Variants in ZPLD1 observed in about 807,000 individuals in gnomAD.
The protein encoded by ZPLD1 is zona pellucida like domain containing 1.
ZPLD1 carries 34 observed loss-of-function variants against 47.2 expected under a neutral mutation model. The observed-to-expected ratio is 0.72, with a 90% CI of 0.55 to 0.96. ZPLD1 has a LOEUF of 0.96. ZPLD1 is among the 40% of genes least tolerant of loss of function. The probability of loss-of-function intolerance (pLI) is 0.00; values close to 1 mark genes in which losing one functional copy is unlikely to be tolerated. For missense variants in ZPLD1, 512 were observed against 505.8 expected (o/e 1.01, Z -0.12); for synonymous variants, 176 against 186.2 (o/e 0.95, Z 0.45).
At chr3:102,474,881 A>C (rs1707735448) in intron 10 of ZPLD1, among the ~76,000 whole-genome samples, 1 of 152,160 alleles carries the variant, frequency 6.6e-6, no homozygotes, top group Admixed American at 6.5e-5. Flanking sequence ...ATATATGTAC[A>C]TGTCAAGACC....
chr3:102,431,905 G>A (rs895516769), upstream of ZPLD1, among the ~76,000 whole-genome samples: 1 of 152,152 alleles, frequency 6.6e-6, no homozygotes, highest in African/African-American at 2.4e-5. Context: ...ATGAAACTCT[G>A]TCTCACAAAC....
At chr3:102,476,660 A>G (rs1413179751) in intron 10 of ZPLD1, among the ~76,000 whole-genome samples, 1 of 152,148 alleles carries the variant, frequency 6.6e-6, no homozygotes, top group African/African-American at 2.4e-5. Flanking sequence ...GCTGTTAACG[A>G]TTACTGCCCC....
chr3:102,477,333 C>A, intron 11 of ZPLD1, 110 bp from the exon 12 acceptor site: 1 of 1,127,408 alleles, frequency 8.9e-7, no homozygotes, highest in South Asian at 1.5e-5. Flanking sequence ...CAGTGCCATG[C>A]TGCTATTCTA....
chr3:102,468,490 AG>A (rs1707631774), intron 8 of ZPLD1, among the ~76,000 whole-genome samples: 1 of 152,208 alleles, frequency 6.6e-6, no homozygotes, highest in South Asian at 2.1e-4. Flanking sequence ...TGATACGGAA[AG>A]ATCTCTAACA....
intron 3 of ZPLD1, among the ~76,000 whole-genome samples, chr3:102,447,900 A>G (rs949312648): frequency 1.3e-5 from 2 of 152,206 alleles, no homozygotes; most frequent in Non-Finnish European, 2.9e-5. Flanking sequence ...TTATTTATAT[A>G]TATAGAACTG....
intron 6 of ZPLD1, among the ~76,000 whole-genome samples, chr3:102,390,622 C>T (rs1032017215): frequency 3.9e-5 from 6 of 152,116 alleles, no homozygotes; most frequent in Non-Finnish European, 7.4e-5. Flanking sequence ...AATCAAAGCT[C>T]GACAAACATG....
chr3:102,454,593 C>T (rs1018319819), intron 4 of ZPLD1, among the ~76,000 whole-genome samples: 3 of 152,226 alleles, frequency 2.0e-5, no homozygotes, highest in Non-Finnish European at 2.9e-5. Flanking sequence ...CAGTGGCTAA[C>T]TCCTGTAATC....
intron 3 of ZPLD1, among the ~76,000 whole-genome samples, chr3:102,440,849 A>G (rs1484139708): frequency 1.3e-5 from 2 of 152,088 alleles, no homozygotes; most frequent in African/African-American, 4.8e-5. Context: ...CTGAGCATAC[A>G]TGAGTAAAGG....
chr3:102,476,350 G>A (rs1184965583), intron 10 of ZPLD1, among the ~76,000 whole-genome samples: 1 of 152,052 alleles, frequency 6.6e-6, no homozygotes, highest in African/African-American at 2.4e-5. Flanking sequence ...ACAAAAATTG[G>A]GAAATCAAGT....
At chr3:102,401,670 A>T (rs528053218) in intron 7 of ZPLD1, among the ~76,000 whole-genome samples, 1 of 152,226 alleles carries the variant, frequency 6.6e-6, no homozygotes, top group South Asian at 2.1e-4. Context: ...ATTTTAATTT[A>T]CTAGTTTTGG....
Position 102,457,803 on chromosome 3 carries a change from A to G in ZPLD1, c.532A>G (p.Arg178Gly), listed in dbSNP as rs1223181542. Residue 178 changes from arginine to glycine, a missense_variant, in exon 6 of 12, where the codon AGA (arginine) becomes GGA (glycine). Arg to Gly is a moderately radical substitution (Grantham distance 125). Coordinates refer to ENST00000466937, the MANE Select transcript of ZPLD1 (RefSeq NM_001329788.2). ...TAGGTCCTCAGCGGCTATTTCTGTG[A>G]GAGAGAACAATGGCACATTTGTCAG... is the stretch of plus-strand genomic sequence containing the variant. Reference protein sequence around the residue: ...LASSSAAISVRENNGTFVSTL... With the variant: ...LASSSAAISVGENNGTFVSTL... 2.5e-6 allele frequency: 4 copies of G among 1,613,844 alleles called. No homozygotes were observed. The Admixed American group carries it at 6.7e-5, about 27-fold the overall frequency.
At chr3:102,456,994 A>G (rs1247583312) in intron 5 of ZPLD1, among the ~76,000 whole-genome samples, 3 of 152,164 alleles carry the variant, frequency 2.0e-5, no homozygotes, top group African/African-American at 7.2e-5. Context: ...CAAAGCACGT[A>G]CTCCAGGAGA....
At chr3:102,445,475 A>G (rs1707243113) in intron 3 of ZPLD1, among the ~76,000 whole-genome samples, 1 of 152,224 alleles carries the variant, frequency 6.6e-6, no homozygotes, top group Non-Finnish European at 1.5e-5. Context: ...AAATCCACCT[A>G]TGAGCTATCT....
At chr3:102,469,954 T>G (rs1707655819) in intron 9 of ZPLD1, among the ~76,000 whole-genome samples, 1 of 152,210 alleles carries the variant, frequency 6.6e-6, no homozygotes, top group Non-Finnish European at 1.5e-5. Flanking sequence ...TATGTTCAAT[T>G]TATGCATAAA....
chr3:102,408,433 A>G (rs573167882), intron 7 of ZPLD1, among the ~76,000 whole-genome samples: 3 of 152,016 alleles, frequency 2.0e-5, no homozygotes, highest in African/African-American at 7.2e-5. Context: ...ATTTTCAAAC[A>G]GAAACATTAG....
intron 6 of ZPLD1, among the ~76,000 whole-genome samples, chr3:102,387,035 A>G (rs1442102259): frequency 6.6e-6 from 1 of 151,860 alleles, no homozygotes; most frequent in Non-Finnish European, 1.5e-5. Flanking sequence ...CTCCTCCATA[A>G]TTTCCTCCAT....
At chr3:102,410,524 C>A (rs760979343) in intron 7 of ZPLD1, among the ~76,000 whole-genome samples, 1 of 151,678 alleles carries the variant, frequency 6.6e-6, no homozygotes, top group Admixed American at 6.6e-5. Context: ...GCTAGCTACT[C>A]TAATATTTAT....
intron 7 of ZPLD1, among the ~76,000 whole-genome samples, chr3:102,416,730 T>C (rs1028939134): frequency 1.3e-5 from 2 of 151,958 alleles, no homozygotes; most frequent in Non-Finnish European, 2.9e-5. Context: ...CCCCCTCAAA[T>C]ACAAGACAGA....
At chr3:102,447,939 A>G (rs1018895672) in intron 3 of ZPLD1, among the ~76,000 whole-genome samples, 7 of 152,178 alleles carry the variant, frequency 4.6e-5, no homozygotes, top group African/African-American at 1.7e-4. Flanking sequence ...TTCCATTTAT[A>G]TAGTAACCAC....
Sources: gnomAD v4.1 joint callset for allele counts (sites outside exome capture counted in the v4.1 genomes callset) on GRCh38, gnomAD v4.1.1 for gene constraint, MANE v1.5 for transcripts, NCBI Gene and HGNC (gene_info 2026-07-23, HGNC 2026-07-21) for gene names.